Variants in SGCZ observed in about 807,000 individuals in gnomAD.
The protein encoded by SGCZ is sarcoglycan zeta, also known as zeta-sarcoglycan.
Under a neutral mutation model 41.3 loss-of-function variants are expected in SGCZ, and 40 were observed. That is an observed-to-expected ratio of 0.97 (90% CI 0.75 to 1.26). The LOEUF (loss-of-function observed/expected upper bound fraction) is 1.26. Among genes scored for constraint, SGCZ ranks in the 50% most tolerant of loss-of-function variants. SGCZ has a pLI of 0.00. For missense variants in SGCZ, 552 were observed against 369.8 expected (o/e 1.49, Z -4.04); for synonymous variants, 206 against 137.5 (o/e 1.50, Z -3.49).
chr8:14,640,637 C>T (rs940052467), intron 1 of SGCZ, among the ~76,000 whole-genome samples: 9 of 125,960 alleles, frequency 7.1e-5, no homozygotes, highest in African/African-American at 2.9e-4. Context: ...TATGTGCAAA[C>T]ATATATATAG....
chr8:14,100,570 A>T (rs1351284177), intron 7 of SGCZ, among the ~76,000 whole-genome samples: 2 of 129,762 alleles, frequency 1.5e-5, no homozygotes, highest in Non-Finnish European at 3.2e-5. Context: ...TTATATATTA[A>T]TATATTTTCA....
At chr8:14,324,061 C>A (rs761359245) in intron 3 of SGCZ, 42 bp downstream of exon 3, 2 of 1,392,480 alleles carry the variant, frequency 1.4e-6, no homozygotes, top group Non-Finnish European at 2.0e-6. Flanking sequence ...AACATAACCT[C>A]TAAATTATCT....
chr8:14,630,584 G>A (rs1016903115), intron 1 of SGCZ, among the ~76,000 whole-genome samples: 1 of 151,992 alleles, frequency 6.6e-6, no homozygotes, highest in Non-Finnish European at 1.5e-5. Context: ...TATGTTTATT[G>A]CGGCACTATT....
At chr8:14,154,242 C>A (rs371299029) in intron 5 of SGCZ, among the ~76,000 whole-genome samples, 1 of 151,930 alleles carries the variant, frequency 6.6e-6, no homozygotes, top group South Asian at 2.1e-4. Context: ...TGGTGGTGGT[C>A]GCCTGTAGTC....
chr8:14,424,194 A>T (rs745909954), intron 2 of SGCZ, among the ~76,000 whole-genome samples: 22 of 152,168 alleles, frequency 1.4e-4, no homozygotes, highest in Non-Finnish European at 1.5e-5. Flanking sequence ...AAGTGTAAGG[A>T]GGGCGGGATA....
rs543399989 is a variant in SGCZ, at chr8:15,061,341, C to T, written c.39+176244G>A. On this transcript the variant is annotated intron_variant, in intron 1 of 7. Transcript: ENST00000382080. ...AAGTGGGAGTAGAACAATGAGAACACATGGACACAGGGAGGAGAACATCAC... is the reference window on the plus strand; with the variant it reads ...AAGTGGGAGTAGAACAATGAGAACATATGGACACAGGGAGGAGAACATCAC... Among the ~76,000 whole-genome samples the T allele has an allele frequency of 2.6e-5, 4 of 152,038 alleles. No homozygotes were observed. In the South Asian group the frequency reaches 8.3e-4, roughly 32 times the overall value.
intron 1 of SGCZ, among the ~76,000 whole-genome samples, chr8:15,179,676 G>A (rs1047866307): frequency 2.0e-5 from 3 of 152,114 alleles, no homozygotes; most frequent in African/African-American, 7.2e-5. Flanking sequence ...TACTGTTTTG[G>A]TATAACCCTG....
intron 1 of SGCZ, among the ~76,000 whole-genome samples, chr8:14,615,186 A>G (rs1806059412): frequency 6.6e-6 from 1 of 152,224 alleles, no homozygotes; most frequent in Non-Finnish European, 1.5e-5. Context: ...AATAAGCAGG[A>G]GGCCCTTAAC....
At chr8:14,341,701 G>T (rs1802713715) in intron 2 of SGCZ, among the ~76,000 whole-genome samples, 3 of 152,140 alleles carry the variant, frequency 2.0e-5, no homozygotes. Flanking sequence ...AATCATGGGG[G>T]CCAGTCATTC....
intron 1 of SGCZ, among the ~76,000 whole-genome samples, chr8:14,793,497 C>A (rs1046648108): frequency 6.6e-6 from 1 of 152,080 alleles, no homozygotes; most frequent in African/African-American, 2.4e-5. Flanking sequence ...TGAGAGGAGA[C>A]ATAGCAATAC....
intron 2 of SGCZ, among the ~76,000 whole-genome samples, chr8:14,541,683 T>G (rs1464609214): frequency 6.6e-6 from 1 of 152,154 alleles, no homozygotes; most frequent in Non-Finnish European, 1.5e-5. Flanking sequence ...TAGTTCTGAT[T>G]CTAGATCCTT....
chr8:14,788,212 C>A (rs1800834400), intron 1 of SGCZ, among the ~76,000 whole-genome samples: 1 of 152,098 alleles, frequency 6.6e-6, no homozygotes, highest in East Asian at 1.9e-4. Flanking sequence ...GTCAAGGTCT[C>A]TAGAATAAAG....
chr8:14,622,635 A>C (rs1806324122), intron 1 of SGCZ, among the ~76,000 whole-genome samples: 1 of 152,206 alleles, frequency 6.6e-6, no homozygotes, highest in African/African-American at 2.4e-5. Flanking sequence ...CAGCTTAAAA[A>C]GTGATTAGAA....
At chr8:14,572,028 C>T (rs1476310138) in intron 1 of SGCZ, among the ~76,000 whole-genome samples, 2 of 151,908 alleles carry the variant, frequency 1.3e-5, no homozygotes, top group Admixed American at 6.6e-5. Context: ...AGTGAAAATC[C>T]ACATATTAAA....
chr8:15,225,388 A>G (rs1801735340), intron 1 of SGCZ, among the ~76,000 whole-genome samples: 1 of 152,220 alleles, frequency 6.6e-6, no homozygotes, highest in Non-Finnish European at 1.5e-5. Context: ...AAGAAGATGT[A>G]TTTCAGACAA....
At chr8:15,011,129 T>G (rs1802812687) in intron 1 of SGCZ, among the ~76,000 whole-genome samples, 1 of 152,210 alleles carries the variant, frequency 6.6e-6, no homozygotes, top group Non-Finnish European at 1.5e-5. Flanking sequence ...TTTTATGTCT[T>G]CAAGGCAATA....
At chr8:15,110,740 G>A (rs956293525) in intron 1 of SGCZ, among the ~76,000 whole-genome samples, 4 of 152,080 alleles carry the variant, frequency 2.6e-5, no homozygotes, top group Non-Finnish European at 4.4e-5. Flanking sequence ...AAGCCAAGGC[G>A]GGCGGATCAC....
chr8:15,085,679 C>T (rs1805922651), intron 1 of SGCZ, among the ~76,000 whole-genome samples: 1 of 152,076 alleles, frequency 6.6e-6, no homozygotes, highest in Non-Finnish European at 1.5e-5. Context: ...TTTTATTTTG[C>T]TTGATTTCTC....
chr8:14,222,537 ATCCT>A (rs1185722115), intron 4 of SGCZ, among the ~76,000 whole-genome samples: 2 of 152,076 alleles, frequency 1.3e-5, no homozygotes, highest in African/African-American at 4.8e-5. Flanking sequence ...AAATCAGTAA[ATCCT>A]TCCTTCTGCA....
Sources: allele counts gnomAD v4.1 joint callset (sites outside exome capture counted in the v4.1 genomes callset), GRCh38; gene constraint gnomAD v4.1.1; transcripts MANE v1.5; gene names NCBI Gene and HGNC (gene_info 2026-07-23, HGNC 2026-07-21).